GAS7: variants seen among roughly 807,000 people sequenced by gnomAD.
The protein encoded by GAS7 is growth arrest specific 7, also known as growth arrest-specific protein 7.
GAS7 carries 28 observed loss-of-function variants against 71.1 expected under a neutral mutation model. That is an observed-to-expected ratio of 0.39 (90% CI 0.29 to 0.54). The LOEUF (loss-of-function observed/expected upper bound fraction) is 0.54. Ranked by LOEUF, GAS7 falls within the 20% of genes least tolerant of loss-of-function variation. GAS7 has a pLI of 0.62. For synonymous variants in GAS7, 258 were observed against 245.8 expected (o/e 1.05, Z -0.46); for missense variants, 436 against 627.8 (o/e 0.69, Z 3.27).
intron 1 of GAS7, among the ~76,000 whole-genome samples, chr17:10,023,762 A>G (rs2072360770): frequency 6.6e-6 from 1 of 152,244 alleles, no homozygotes; most frequent in Non-Finnish European, 1.5e-5. Flanking sequence ...TGGTTGCACA[A>G]TATCATGAAT....
At chr17:10,141,087 C>G (rs1165958480) in intron 1 of GAS7, among the ~76,000 whole-genome samples, 1 of 152,320 alleles carries the variant, frequency 6.6e-6, no homozygotes, top group South Asian at 2.1e-4. Flanking sequence ...AGGGCCCTGG[C>G]CCTGACTCAC....
chr17:9,959,926 G>A lies in GAS7; in HGVS notation c.472-671C>T, dbSNP rs1032597473. The stretch of plus-strand genomic sequence containing the variant: ...GTCCTCAGCAGTTTGCCAAAGTCCT[G>A]GGATCGTTCTGGCAGAGAAAATTAA... On this transcript the variant is annotated intron_variant, in intron 4 of 13. Coordinates refer to ENST00000432992, the MANE Select transcript of GAS7 (RefSeq NM_201433.2). The surrounding 1 kb of genome is among the most constrained non-coding windows in gnomAD (Gnocchi z 5.0). Among the ~76,000 whole-genome samples, 5 of 152,158 alleles carry A rather than the reference G, an allele frequency of 3.3e-5. No individual in the cohort carries two copies. Among genetic ancestry groups the A allele is most frequent in the Admixed American group, 3.3e-4 (5 of 15,272 alleles).
rs1302941234 is a variant in GAS7 at position 10,103,411 on chromosome 17, G to T, written c.184-83514C>A. ...TGCACATTTAAATTTGAGAAGCACA[G>T]CTCATGCCATCTAGCGACCCTACTC... On this transcript the variant is annotated intron_variant, in intron 1 of 13. Transcript: ENST00000432992. The surrounding 1 kb of genome is among the most constrained non-coding windows in gnomAD (Gnocchi z 5.5). Among the ~76,000 whole-genome samples, 3 of 152,160 alleles carry T rather than the reference G, an allele frequency of 2.0e-5. No individual in the cohort carries two copies. Among genetic ancestry groups the T allele is most frequent in the African/African-American group, 7.2e-5 (3 of 41,444 alleles).
chr17:10,046,134 CT>C (rs987663986), intron 1 of GAS7, among the ~76,000 whole-genome samples: 4 of 152,100 alleles, frequency 2.6e-5, no homozygotes, highest in South Asian at 2.1e-4. Context: ...TCTGGAGATT[CT>C]TTTTTTTAAT....
chr17:10,074,508 C>T (rs182956351), intron 1 of GAS7, among the ~76,000 whole-genome samples: 98 of 152,310 alleles, frequency 6.4e-4, no homozygotes, highest in African/African-American at 2.3e-3. Context: ...ATGCTATTTT[C>T]CCCCAAGTTC....
At chr17:10,120,777 C>G (rs2073898267) in intron 1 of GAS7, among the ~76,000 whole-genome samples, 2 of 152,316 alleles carry the variant, frequency 1.3e-5, no homozygotes, top group East Asian at 3.9e-4. Flanking sequence ...TGCTCAGGAG[C>G]CTGCACCCTC....
At chr17:10,186,695 C>T (rs1012198315) in intron 1 of GAS7, among the ~76,000 whole-genome samples, 3 of 152,230 alleles carry the variant, frequency 2.0e-5, no homozygotes, top group East Asian at 3.9e-4. Context: ...CGTGAGCCAC[C>T]GTGCCCGGCC....
intron 1 of GAS7, among the ~76,000 whole-genome samples, chr17:10,041,172 A>AG (rs2072859890): frequency 6.7e-6 from 1 of 150,268 alleles, no homozygotes; most frequent in African/African-American, 2.5e-5. Flanking sequence ...AAAAAAAAAA[A>AG]AAAAGAAGAA....
intron 1 of GAS7, among the ~76,000 whole-genome samples, chr17:10,129,587 C>A (rs118100203): frequency 0.027 from 4,057 of 152,272 alleles, 89 homozygotes; most frequent in Non-Finnish European, 0.043. Context: ...TCATGACCTT[C>A]TTAGACTAGG....
intron 1 of GAS7, among the ~76,000 whole-genome samples, chr17:10,033,720 C>T (rs1209791001): frequency 1.3e-5 from 2 of 152,222 alleles, no homozygotes; most frequent in South Asian, 2.1e-4. Flanking sequence ...GTGCCTCTGA[C>T]GGCCCGCCTG....
chr17:9,981,660 T>G lies in GAS7; in HGVS notation c.385+144A>C. The G allele has an allele frequency of 1.5e-6, 1 of 646,046 alleles. No individual in the cohort carries two copies. 40.0% of individuals were successfully genotyped at this position (646,046 alleles called of 1,614,324 possible). A position where few individuals can be genotyped will look rare whatever the true frequency, so the allele number is the denominator to read the frequency against. ...ACACCAACCTGCTTGGCAGCAGGCCTAAGGGACCCTCTCCCAGGCCCAACC... is the reference window on the plus strand; with the variant it reads ...ACACCAACCTGCTTGGCAGCAGGCCGAAGGGACCCTCTCCCAGGCCCAACC... On this transcript the variant is annotated intron_variant, in intron 3 of 13. Transcript: ENST00000432992. This position sits in a 1 kb window ranked among gnomAD's most constrained non-coding sequence, Gnocchi z 4.4.
In GAS7 at chr17:10,103,933, G is replaced by A. The variant is rs761537966; in HGVS notation, c.184-84036C>T. Among the ~76,000 whole-genome samples the A allele has an allele frequency of 2.4e-4, 37 of 151,498 alleles. No homozygotes were observed. Among genetic ancestry groups the A allele is most frequent in the East Asian group, 7.8e-4 (4 of 5,150 alleles). ...CTATCCTACCCACATCAGAGCCCACGCTCGCAGCCTTCCCTCCCACAACAG... is the reference window on the plus strand; with the variant it reads ...CTATCCTACCCACATCAGAGCCCACACTCGCAGCCTTCCCTCCCACAACAG... On this transcript the variant is annotated intron_variant, in intron 1 of 13. Transcript: ENST00000432992. The surrounding 1 kb of genome is among the most constrained non-coding windows in gnomAD (Gnocchi z 5.5).
At chr17:10,183,169 T>C (rs1246264042) in intron 1 of GAS7, among the ~76,000 whole-genome samples, 1 of 151,990 alleles carries the variant, frequency 6.6e-6, no homozygotes, top group Non-Finnish European at 1.5e-5. Context: ...CCCCAAGTGT[T>C]ATCCCAATAC....
chr17:10,168,181 T>C (rs2074309329), intron 1 of GAS7, among the ~76,000 whole-genome samples: 1 of 152,120 alleles, frequency 6.6e-6, no homozygotes, highest in Non-Finnish European at 1.5e-5. Context: ...GAAAATAAAG[T>C]ATGCTACATC....
intron 1 of GAS7, among the ~76,000 whole-genome samples, chr17:10,126,507 C>T (rs922083873): frequency 1.3e-4 from 20 of 149,318 alleles, no homozygotes; most frequent in Middle Eastern, 7.0e-3. Context: ...CACACAAACA[C>T]GTATCACACA....
intron 1 of GAS7, among the ~76,000 whole-genome samples, chr17:10,176,888 G>T (rs1049450892): frequency 6.6e-6 from 1 of 152,144 alleles, no homozygotes; most frequent in Non-Finnish European, 1.5e-5. Flanking sequence ...GCCAAAATCA[G>T]ACAAGATGTC....
rs2067607508 is a variant in GAS7 at position 9,917,152 on chromosome 17, T to A, written c.*76A>T. 1.1e-6 allele frequency: 1 copy of A among 906,362 alleles called. No homozygotes were observed. The highest frequency in any genetic ancestry group is 1.9e-6 in the Non-Finnish European group (1 of 537,380). The allele number at this position is 906,362 out of a possible 1,614,324, so 56.1% of individuals were successfully genotyped here. A position where few individuals can be genotyped will look rare whatever the true frequency, so the allele number is the denominator to read the frequency against. On this transcript the variant is annotated 3_prime_UTR_variant, in exon 14 of 14. Coordinates refer to ENST00000432992, the MANE Select transcript of GAS7 (RefSeq NM_201433.2). The stretch of plus-strand genomic sequence containing the variant: ...GGCCCAGGAGAGAGGGTGGGGGGCA[T>A]CCACTCGGCATGGGCCCCATGGTGG...
intron 1 of GAS7, among the ~76,000 whole-genome samples, chr17:10,123,262 C>T (rs1320730878): frequency 6.6e-6 from 1 of 152,220 alleles, no homozygotes; most frequent in East Asian, 1.9e-4. Context: ...AAAACACAGA[C>T]AGCTGGGCTC....
intron 1 of GAS7, among the ~76,000 whole-genome samples, chr17:10,111,527 T>G (rs1173374408): frequency 6.8e-6 from 1 of 146,390 alleles, no homozygotes; most frequent in African/African-American, 2.5e-5. Flanking sequence ...AGTGAGACTC[T>G]GTCTCAAAAA....
Sources: gnomAD v4.1 joint callset for allele counts (sites outside exome capture counted in the v4.1 genomes callset) on GRCh38, gnomAD v4.1.1 for gene constraint, Gnocchi (gnomAD v3.1) non-coding constraint, MANE v1.5 for transcripts, NCBI Gene and HGNC (gene_info 2026-07-23, HGNC 2026-07-21) for gene names.